Variants in ITCH observed in about 807,000 individuals in gnomAD.
ITCH encodes the protein itchy E3 ubiquitin protein ligase, also known as E3 ubiquitin-protein ligase Itchy homolog.
A neutral mutation model predicts 126.8 loss-of-function variants in ITCH; 28 were observed. That is an observed-to-expected ratio of 0.22 (90% CI 0.16 to 0.30). The LOEUF is 0.30. Ranked by LOEUF, ITCH falls within the 10% of genes least tolerant of loss-of-function variation. The pLI, the probability that ITCH is intolerant of heterozygous loss-of-function variation, is 1.00. For synonymous variants in ITCH, 342 were observed against 340.0 expected (o/e 1.01, Z -0.06); for missense variants, 631 against 1,032.4 (o/e 0.61, Z 5.33).
At chr20:34,404,441 T>C (rs8121066) in intron 3 of ITCH, among the ~76,000 whole-genome samples, 75,811 of 138,058 alleles carry the variant, frequency 0.55, 21,609 homozygotes, top group African/African-American at 0.66. Context: ...TTTTTTGAGA[T>C]GGAGTTTCAC....
At chr20:34,387,179 T>C (rs987060721) in intron 2 of ITCH, among the ~76,000 whole-genome samples, 2 of 151,680 alleles carry the variant, frequency 1.3e-5, no homozygotes, top group Admixed American at 6.6e-5. Context: ...CATGCATGCC[T>C]GTAATCCCAG....
chr20:34,367,403 T>C (rs535838349), intron 1 of ITCH, among the ~76,000 whole-genome samples: 1 of 152,324 alleles, frequency 6.6e-6, no homozygotes, highest in East Asian at 1.9e-4. Context: ...CTCTAAAAAG[T>C]ATTGATCTAG....
chr20:34,385,793 G>T lies in ITCH; in HGVS notation c.-21-7998G>T, dbSNP rs182564926. Among the ~76,000 whole-genome samples, 1,241 of 152,296 alleles carry T rather than the reference G, an allele frequency of 8.1e-3. 15 individuals carry two copies. The highest frequency in any genetic ancestry group is 0.012 in the Non-Finnish European group (843 of 68,032). ...CCATACTGATGTATTTGGTTGGAAAGTGGGAAAGGAGCTTTTAGTGTTCTG... is the reference window on the plus strand; with the variant it reads ...CCATACTGATGTATTTGGTTGGAAATTGGGAAAGGAGCTTTTAGTGTTCTG... On this transcript the variant is annotated intron_variant, in intron 2 of 24. Transcript: ENST00000374864.
At chr20:34,384,554 T>C (rs1314537692) in intron 2 of ITCH, among the ~76,000 whole-genome samples, 1 of 151,956 alleles carries the variant, frequency 6.6e-6, no homozygotes, top group Admixed American at 6.6e-5. Context: ...GCTCAGATTA[T>C]AGGCTTGAGC....
At chr20:34,482,081 A>ACG (rs1988794262) in intron 20 of ITCH, among the ~76,000 whole-genome samples, 1 of 152,212 alleles carries the variant, frequency 6.6e-6, no homozygotes, top group Admixed American at 6.5e-5. Flanking sequence ...TGCAAACAGC[A>ACG]GGGGAAAGAC....
intron 13 of ITCH, among the ~76,000 whole-genome samples, chr20:34,457,755 C>A (rs1389096804): frequency 6.6e-6 from 1 of 152,090 alleles, no homozygotes; most frequent in Non-Finnish European, 1.5e-5. Flanking sequence ...CCAGGAAGAC[C>A]TGCGTAATGC....
chr20:34,468,816 G>T (rs1261785000), intron 14 of ITCH, among the ~76,000 whole-genome samples: 1 of 150,938 alleles, frequency 6.6e-6, no homozygotes, highest in Non-Finnish European at 1.5e-5. Context: ...GAAAAGAAAA[G>T]AAATATAAGA....
chr20:34,489,743 C>A, intron 21 of ITCH, 79 bp from the exon 22 acceptor site: 1 of 938,874 alleles, frequency 1.1e-6, no homozygotes, highest in Non-Finnish European at 1.8e-6. Context: ...TAAAGCTTTG[C>A]TTAATCTTAG....
intron 3 of ITCH, among the ~76,000 whole-genome samples, chr20:34,396,291 A>G (rs929718349): frequency 2.6e-5 from 4 of 151,856 alleles, no homozygotes; most frequent in African/African-American, 9.7e-5. Flanking sequence ...GCCTCGGCCT[A>G]CCAATGTGCT....
intron 13 of ITCH, among the ~76,000 whole-genome samples, chr20:34,458,950 C>CTA (rs1173795027): frequency 6.6e-6 from 1 of 152,186 alleles, no homozygotes; most frequent in African/African-American, 2.4e-5. Flanking sequence ...GTCTGTAATA[C>CTA]TATGCATTTA....
At chr20:34,492,689 A>T in intron 23 of ITCH, 92 bp downstream of exon 23, 1 of 841,640 alleles carries the variant, frequency 1.2e-6, no homozygotes, top group Non-Finnish European at 2.1e-6. Context: ...AACAACAAAG[A>T]CAGGGATAGC....
chr20:34,483,242 A>G (rs1018659080), intron 20 of ITCH, among the ~76,000 whole-genome samples: 3 of 152,186 alleles, frequency 2.0e-5, no homozygotes, highest in Admixed American at 6.5e-5. Context: ...TCGGGTCCTC[A>G]TTACTTATGC....
At chr20:34,464,361 A>G (rs1234033561) in intron 14 of ITCH, among the ~76,000 whole-genome samples, 1 of 95,470 alleles carries the variant, frequency 1.0e-5, no homozygotes, top group Admixed American at 1.3e-4. Flanking sequence ...CTTTTTGCCC[A>G]CTCTTTTTGC....
chr20:34,377,536 TAGAA>T (rs2123031211), intron 2 of ITCH, among the ~76,000 whole-genome samples: 1 of 152,216 alleles, frequency 6.6e-6, no homozygotes, highest in South Asian at 2.1e-4. Flanking sequence ...GGCTTGCTCT[TAGAA>T]AGATGTAGAA....
chr20:34,435,006 T>C (rs2146265843), intron 7 of ITCH, among the ~76,000 whole-genome samples: 1 of 152,298 alleles, frequency 6.6e-6, no homozygotes, highest in East Asian at 1.9e-4. Flanking sequence ...TTAGAGCTTT[T>C]TGTCCTACCA....
At position 34,461,709 on chromosome 20, in the gene ITCH, T is replaced by TAAA. The variant is rs11469882; in HGVS notation, c.1296-362_1296-360dup. Reference sequence around the variant, plus strand: ...CTGGGCGACAGTGAGACTCCATCTATAAAAAAAAAAAAAAAAAAAAAAAAG... The same window carrying TAAA: ...CTGGGCGACAGTGAGACTCCATCTATAAAAAAAAAAAAAAAAAAAAAAAAAAAG... On this transcript the variant is annotated intron_variant, in intron 13 of 24. Transcript: ENST00000374864. 7.1e-4 allele frequency among the ~76,000 whole-genome samples: 56 copies of TAAA among 78,354 alleles called. No individual in the cohort carries two copies. In the East Asian group the frequency reaches 9.3e-3, roughly 13 times the overall value. The allele number at this position is 78,354 out of a possible 152,430, so 51.4% of individuals were successfully genotyped here.
rs1373619773 is a variant in ITCH, at chr20:34,503,871, TTTTTTTTTTTTTGG to T, written c.2417-447_2417-434del. On this transcript the variant is annotated intron_variant, in intron 23 of 24. Transcript: ENST00000374864. Reference sequence around the variant, plus strand: ...TTTTTGGGTTTTTTTTTTTTTTTGGTTTTTTTTTTTTTGGTTTTTTTTTTTTTTGAGATAGGGTC... The same window carrying T: ...TTTTTGGGTTTTTTTTTTTTTTTGGTTTTTTTTTTTTTTTGAGATAGGGTC... Among the ~76,000 whole-genome samples, 8 of 88,930 alleles carry T rather than the reference TTTTTTTTTTTTTGG, an allele frequency of 9.0e-5. 1 individual carries two copies. The highest frequency in any genetic ancestry group is 3.5e-4 in the African/African-American group (8 of 22,548). The allele number at this position is 88,930 out of a possible 152,430, so 58.3% of individuals were successfully genotyped here.
intron 20 of ITCH, among the ~76,000 whole-genome samples, chr20:34,484,775 A>G (rs1988993958): frequency 6.6e-6 from 1 of 152,218 alleles, no homozygotes; most frequent in South Asian, 2.1e-4. Context: ...AAATATATAT[A>G]TCAGCCCAAA....
At chr20:34,365,173 C>A (rs2037372989) in intron 1 of ITCH, among the ~76,000 whole-genome samples, 1 of 151,902 alleles carries the variant, frequency 6.6e-6, no homozygotes, top group Non-Finnish European at 1.5e-5. Context: ...TGCATTCCAG[C>A]CTGGGTGACA....
Sources: gnomAD v4.1 joint callset for allele counts (sites outside exome capture counted in the v4.1 genomes callset) on GRCh38, gnomAD v4.1.1 for gene constraint, MANE v1.5 for transcripts, NCBI Gene and HGNC (gene_info 2026-07-23, HGNC 2026-07-21) for gene names.